HIF3A: variants seen among roughly 807,000 people sequenced by gnomAD.
The protein encoded by HIF3A is hypoxia-inducible factor 3-alpha.
HIF3A carries 41 observed loss-of-function variants against 67.2 expected under a neutral mutation model. The observed-to-expected ratio is 0.61, with a 90% confidence interval of 0.48 to 0.79. The LOEUF (loss-of-function observed/expected upper bound fraction) is 0.79. Ranked by LOEUF, HIF3A falls within the 30% of genes least tolerant of loss-of-function variation. The pLI, the probability that HIF3A is intolerant of heterozygous loss-of-function variation, is 0.00. For synonymous variants in HIF3A, 356 were observed against 374.8 expected (o/e 0.95, Z 0.58); for missense variants, 855 against 898.0 (o/e 0.95, Z 0.61).
At chr19:46,336,260 T>C (rs1971612156) in intron 14 of HIF3A, among the ~76,000 whole-genome samples, 1 of 151,454 alleles carries the variant, frequency 6.6e-6, no homozygotes, top group African/African-American at 2.4e-5. Flanking sequence ...GCCTGGCAAA[T>C]TTTTTGTATT....
Position 46,339,764 on chromosome 19 carries a change from A to T in HIF3A, c.*142A>T, listed in dbSNP as rs1177723275. ...TGTACCCCCTGCCCACCTCGGGCCT[A>T]CCTCAGCCCTCACCCCTCTGCCTGC... On this transcript the variant is annotated 3_prime_UTR_variant, in exon 15 of 15. Transcript: ENST00000377670. 3 of 500,862 alleles carry T rather than the reference A, an allele frequency of 6.0e-6. No individual in the cohort carries two copies. The highest frequency in any genetic ancestry group is 1.0e-5 in the Non-Finnish European group (3 of 287,450). 31.0% of individuals were successfully genotyped at this position (500,862 alleles called of 1,614,324 possible). A position where few individuals can be genotyped will look rare whatever the true frequency, so the allele number is the denominator to read the frequency against.
At position 46,329,327 on chromosome 19, in the gene HIF3A, C is replaced by T. The variant is rs199544850; in HGVS notation, c.1561C>T (p.Arg521Trp). ...CCACAGACCTCTGGGGGCTGTCCCC[C>T]GGCCCCGTGCTCGGAGCTTCCATGG... ...AYHRPLGAVP[R>W]PRARSFHGLS... is the part of the protein sequence containing the mutation. The change falls in exon 12 of 15, where the codon CGG becomes TGG. Residue 521 changes from arginine (R) to tryptophan (W), a missense_variant. Physicochemically the swap from Arg to Trp is moderately radical, Grantham distance 101. Around this residue, in one of 3 missense-constraint regions of HIF3A, gnomAD observed 199 missense variants for 193.8 expected, o/e 1.03. Coordinates refer to ENST00000377670, the MANE Select transcript of HIF3A (RefSeq NM_152795.4). The T allele has an allele frequency of 4.9e-5, 79 of 1,613,274 alleles. 1 individual carries two copies. The Middle Eastern group carries it at 5.0e-4, about 10-fold the overall frequency.
Position 46,341,552 on chromosome 19 carries a change from T to G in HIF3A, c.*1930T>G, listed in dbSNP as rs1220503592. ...CCTTATGAGGCTCAGCTTATTCTTC[T>G]GCAGTTCTCTATAACCAAGACTCAT... On this transcript the variant is annotated 3_prime_UTR_variant, in exon 15 of 15. Transcript: ENST00000377670. 5 of 152,152 alleles carry G rather than the reference T, an allele frequency of 3.3e-5. No homozygotes were observed. Among genetic ancestry groups the G allele is most frequent in the Non-Finnish European group, 7.4e-5 (5 of 68,020 alleles). 9.4% of individuals were successfully genotyped at this position (152,152 alleles called of 1,614,324 possible).
chr19:46,314,432 C>A (rs1418191894), intron 8 of HIF3A, among the ~76,000 whole-genome samples: 2 of 146,412 alleles, frequency 1.4e-5, no homozygotes, highest in Non-Finnish European at 3.0e-5. Context: ...GCAGTAAATT[C>A]TGTTTATGGT....
At chr19:46,299,815 C>T (rs140503764) in intron 1 of HIF3A, among the ~76,000 whole-genome samples, 439 of 151,816 alleles carry the variant, frequency 2.9e-3, no homozygotes, top group Non-Finnish European at 4.1e-3. Context: ...AGGAAGCAGA[C>T]GGTGGGGGGC....
intron 7 of HIF3A, 118 bp downstream of exon 7, chr19:46,312,385 C>G (rs1261682734): frequency 1.2e-6 from 2 of 1,609,238 alleles, no homozygotes; most frequent in Non-Finnish European, 8.5e-7. Context: ...AACACCAGCT[C>G]CCTGCTCCCC....
chr19:46,297,415 T>G lies in HIF3A; in HGVS notation c.26+313T>G, dbSNP rs988835196. ...GGATTCCTGATAAATTAGGGGTGAT[T>G]GCATTTGAGCAGTCCCCAGGCTTCT... On this transcript the variant is annotated intron_variant, in intron 1 of 14. Transcript: ENST00000377670. The surrounding 1 kb of genome is among the most constrained non-coding windows in gnomAD (Gnocchi z 4.5). Among the ~76,000 whole-genome samples the G allele has an allele frequency of 9.2e-5, 14 of 152,214 alleles. No homozygotes were observed. The highest frequency in any genetic ancestry group is 2.6e-4 in the African/African-American group (11 of 41,520).
intron 3 of HIF3A, among the ~76,000 whole-genome samples, chr19:46,306,227 G>A (rs1968838469): frequency 6.6e-6 from 1 of 152,212 alleles, no homozygotes; most frequent in African/African-American, 2.4e-5. Context: ...AGGGCCCCGG[G>A]GAGCTATAGA....
In HIF3A at chr19:46,329,254, G is replaced by A. The variant is rs1971006938; in HGVS notation, c.1488G>A (p.Met496Ile). 6.2e-7 allele frequency: 1 copy of A among 1,612,856 alleles called. No individual in the cohort carries two copies. The highest frequency in any genetic ancestry group is 1.3e-5 in the African/African-American group (1 of 74,928). ...AGATGCTGGCCCCCTACATCTCCAT[G>A]GATGATGACTTCCAGCTCAACGCCA... The part of the protein sequence containing the change: ...DLEMLAPYIS[M>I]DDDFQLNASE... Residue 496 changes from methionine (M) to isoleucine (I), a missense_variant, in exon 12 of 15, where the codon ATG becomes ATA. By Grantham distance (10) the Met-to-Ile change is conservative. This residue lies in a region of HIF3A where 18 missense variants were observed against 43.7 expected (regional missense o/e 0.41). Transcript: ENST00000377670.
In HIF3A at chr19:46,308,563, T is replaced by C. The variant is rs1009584838; in HGVS notation, c.449-100T>C. 4.1e-5 allele frequency: 29 copies of C among 713,648 alleles called. No individual in the cohort carries two copies. The Middle Eastern group carries it at 1.6e-3, about 39-fold the overall frequency. 44.2% of individuals were successfully genotyped at this position (713,648 alleles called of 1,614,324 possible). On this transcript the variant is annotated intron_variant, in intron 4 of 14. Transcript: ENST00000377670. Reference sequence around the variant, plus strand: ...CTCTCTGGTTCCAGGTCCCAATTGTTGGGATGGAGCTGGGGAGGCCTGAGC... The same window carrying C: ...CTCTCTGGTTCCAGGTCCCAATTGTCGGGATGGAGCTGGGGAGGCCTGAGC...
chr19:46,310,157 G>A lies in HIF3A; in HGVS notation c.770+798G>A, dbSNP rs866776754. Among the ~76,000 whole-genome samples the A allele has an allele frequency of 7.2e-5, 11 of 152,200 alleles. No homozygotes were observed. In the South Asian group the frequency reaches 8.3e-4, roughly 11 times the overall value. ...GGAGAATTGCTTGAGCCCGGGAGGC[G>A]GAGGTTGCAGTGAGCCGAGATTGCA... On this transcript the variant is annotated intron_variant, in intron 6 of 14. Transcript: ENST00000377670.
In HIF3A at chr19:46,342,436, T is replaced by C. The variant is rs1971964831; in HGVS notation, c.*2814T>C. The C allele has an allele frequency of 6.6e-6, 1 of 151,550 alleles. No homozygotes were observed. The highest frequency in any genetic ancestry group is 2.4e-5 in the African/African-American group (1 of 41,372). The allele number at this position is 151,550 out of a possible 1,614,324, so 9.4% of individuals were successfully genotyped here. ...AAAAAATAGAGACGGGGTTTCACCATGTTGCCCAGGCTGGTCGCGAACTAC... is the reference window on the plus strand; with the variant it reads ...AAAAAATAGAGACGGGGTTTCACCACGTTGCCCAGGCTGGTCGCGAACTAC... On this transcript the variant is annotated 3_prime_UTR_variant, in exon 15 of 15. Transcript: ENST00000377670.
Position 46,339,998 on chromosome 19 carries a change from G to A in HIF3A, c.*376G>A, listed in dbSNP as rs868368859. The stretch of plus-strand genomic sequence containing the variant: ...TCATATCTGTGTTTCCAGGTTCTGG[G>A]GAGAACAATGATCCACGGGTCAACG... On this transcript the variant is annotated 3_prime_UTR_variant, in exon 15 of 15. Transcript: ENST00000377670. The A allele has an allele frequency of 3.6e-4, 77 of 211,288 alleles. No individual in the cohort carries two copies. The highest frequency in any genetic ancestry group is 1.7e-3 in the African/African-American group (75 of 43,892). 13.1% of individuals were successfully genotyped at this position (211,288 alleles called of 1,614,324 possible). A position where few individuals can be genotyped will look rare whatever the true frequency, so the allele number is the denominator to read the frequency against.
intron 3 of HIF3A, among the ~76,000 whole-genome samples, chr19:46,307,731 G>C (rs185985370): frequency 8.3e-4 from 126 of 151,268 alleles, no homozygotes; most frequent in Middle Eastern, 3.4e-3. Flanking sequence ...CTGGGCAACA[G>C]AGCGAGACTC....
At position 46,320,549 on chromosome 19, in the gene HIF3A, G is replaced by C. The variant is rs374629037; in HGVS notation, c.1132G>C (p.Gly378Arg). ...CTCTCAGAAGGACACCCCTAACCCT[G>C]GGGACAGCCTTGGTATGGGGCAGGG... ...APSQKDTPNP[G>R]DSLDTPGPRI... Residue 378 changes from glycine to arginine, a missense_variant, in exon 9 of 15, where the codon GGG becomes CGG. By Grantham distance (125) the Gly-to-Arg change is moderately radical. This residue lies in a region of HIF3A where 638 missense variants were observed against 660.5 expected (regional missense o/e 0.97). Transcript: ENST00000377670. 2 of 1,613,494 alleles carry C rather than the reference G, an allele frequency of 1.2e-6. No homozygotes were observed. Among genetic ancestry groups the C allele is most frequent in the African/African-American group, 2.7e-5 (2 of 74,922 alleles).
rs755053047 is a variant in HIF3A, at chr19:46,321,813, G to GC, written c.1184dup (p.Ser396PhefsTer10). ...CCCGGATCCTTGCCTTCCTGCACCC[G>GC]CCTTCCCTGAGCGAGGCTGCCCTGG... On this transcript the variant is annotated frameshift_variant, in exon 10 of 15. Coordinates refer to ENST00000377670, the MANE Select transcript of HIF3A (RefSeq NM_152795.4). LOFTEE classifies it high-confidence loss of function. 1 of 1,613,700 alleles carries GC rather than the reference G, an allele frequency of 6.2e-7. No homozygotes were observed. Among genetic ancestry groups the GC allele is most frequent in the Admixed American group, 1.7e-5 (1 of 60,008 alleles).
chr19:46,308,636 C>T (rs377504852), intron 4 of HIF3A, 27 bp from the exon 5 acceptor site: 31 of 1,432,234 alleles, frequency 2.2e-5, no homozygotes, highest in Non-Finnish European at 2.8e-5. Context: ...TGCCTGTGAC[C>T]TCCCCGCTGC....
intron 9 of HIF3A, 104 bp downstream of exon 9, chr19:46,320,665 C>A: frequency 1.3e-6 from 1 of 791,392 alleles, no homozygotes; most frequent in Non-Finnish European, 2.1e-6. Context: ...GACCTGCCTC[C>A]TGCCTCCCTT....
At chr19:46,309,967 G>T (rs1286255752) in intron 6 of HIF3A, among the ~76,000 whole-genome samples, 1 of 152,114 alleles carries the variant, frequency 6.6e-6, no homozygotes, top group African/African-American at 2.4e-5. Context: ...GCTCATACCT[G>T]TAATCCCAGC....
Sources: allele counts gnomAD v4.1 joint callset (sites outside exome capture counted in the v4.1 genomes callset), GRCh38; gene constraint gnomAD v4.1.1; regional missense constraint gnomAD v4.1.1; non-coding constraint Gnocchi (gnomAD v3.1); transcripts MANE v1.5; gene names NCBI Gene and HGNC (gene_info 2026-07-23, HGNC 2026-07-21).